The following CPNE5 variants were observed in gnomAD, a reference collection of about 807,000 sequenced individuals.
CPNE5 encodes copine-5.
A neutral mutation model predicts 81.1 loss-of-function variants in CPNE5; 42 were observed. The observed-to-expected ratio is 0.52, with a 90% CI of 0.40 to 0.67. CPNE5 has a LOEUF of 0.67. Among genes scored for constraint, CPNE5 ranks in the 30% least tolerant of loss-of-function variants. CPNE5 has a pLI of 0.00. For synonymous variants in CPNE5, 313 were observed against 321.5 expected, an observed-to-expected ratio of 0.97 and a Z score of 0.28; for missense variants, 612 against 815.5, an observed-to-expected ratio of 0.75 and a Z score of 3.04.
At chr6:36,823,923 C>G (rs571013931) in intron 1 of CPNE5, among the ~76,000 whole-genome samples, 1 of 152,276 alleles carries the variant, frequency 6.6e-6, no homozygotes, top group South Asian at 2.1e-4. Context: ...GGATGGGCAG[C>G]CTACATCCTG....
At chr6:36,781,456 AT>A (rs771622883) in intron 8 of CPNE5, among the ~76,000 whole-genome samples, 96 of 152,356 alleles carry the variant, frequency 6.3e-4, no homozygotes, top group Middle Eastern at 6.8e-3. Flanking sequence ...GTTAAATCAT[AT>A]GCCTAAAGTC....
intron 3 of CPNE5, among the ~76,000 whole-genome samples, chr6:36,802,875 C>A (rs926528399): frequency 2.0e-5 from 3 of 151,996 alleles, no homozygotes; most frequent in Non-Finnish European, 4.4e-5. Context: ...CATGGTGAAA[C>A]CCCATCTCTA....
chr6:36,793,575 C>T (rs900109445), intron 7 of CPNE5, among the ~76,000 whole-genome samples: 1 of 152,194 alleles, frequency 6.6e-6, no homozygotes, highest in African/African-American at 2.4e-5. Context: ...CTCTCCAGCC[C>T]CAACCTGCTC....
intron 8 of CPNE5, among the ~76,000 whole-genome samples, chr6:36,788,200 T>TA (rs1167535537): frequency 2.0e-5 from 3 of 150,482 alleles, no homozygotes; most frequent in African/African-American, 7.4e-5. Context: ...CCTGCTAATT[T>TA]AAAAAAATTT....
At chr6:36,774,756 C>G (rs1562122402) in intron 10 of CPNE5, among the ~76,000 whole-genome samples, 1 of 151,834 alleles carries the variant, frequency 6.6e-6, no homozygotes. Flanking sequence ...TGTGAAGAGG[C>G]AGACATTGCC....
intron 11 of CPNE5, among the ~76,000 whole-genome samples, 170 bp from the exon 12 acceptor site, chr6:36,763,162 C>G (rs902381168): frequency 6.6e-6 from 1 of 152,192 alleles, no homozygotes; most frequent in African/African-American, 2.4e-5. Flanking sequence ...CCAGTGTTGC[C>G]CACAGAGGAA....
chr6:36,762,157 G>A (rs560785257), intron 12 of CPNE5, among the ~76,000 whole-genome samples: 2 of 151,650 alleles, frequency 1.3e-5, no homozygotes, highest in East Asian at 1.9e-4. Context: ...GGAGGCTGAG[G>A]TGGGAGGATC....
intron 1 of CPNE5, chr6:36,827,849 A>T (rs1003585499): frequency 1.4e-6 from 1 of 719,416 alleles, no homozygotes; most frequent in Non-Finnish European, 1.7e-6. Context: ...ACAAAGAGAA[A>T]TTTTTTTTAG....
Position 36,746,117 on chromosome 6 carries a change from TCAGCCA to T in CPNE5, c.1200+273_1200+278del, listed in dbSNP as rs59008233. ...CTTTTCTGGGGCCCTGAGGGATGGG[TCAGCCA>T]CAGCTCGCCTCCACCTGCACCTGCG... On this transcript the variant is annotated intron_variant, in intron 16 of 20. Transcript: ENST00000244751. The surrounding 1 kb of genome is among the most constrained non-coding windows in gnomAD (Gnocchi z 4.5). 0.49 allele frequency: 475,573 copies of T among 978,558 alleles called. 117,002 individuals are homozygous for T. Among genetic ancestry groups the T allele is most frequent in the Non-Finnish European group, 0.5 (415,339 of 824,090 alleles). The allele number at this position is 978,558 out of a possible 1,614,324, so 60.6% of individuals were successfully genotyped here.
chr6:36,829,706 G>A (rs1293823035), intron 1 of CPNE5, among the ~76,000 whole-genome samples: 3 of 150,286 alleles, frequency 2.0e-5, no homozygotes, highest in Non-Finnish European at 3.0e-5. Context: ...CCAGCTACTC[G>A]GGAGGCTGAG....
chr6:36,796,332 C>G (rs1171479260), intron 6 of CPNE5, among the ~76,000 whole-genome samples: 1 of 152,230 alleles, frequency 6.6e-6, no homozygotes, highest in Non-Finnish European at 1.5e-5. Flanking sequence ...CAATACTCCC[C>G]CACCCCCAGA....
intron 3 of CPNE5, among the ~76,000 whole-genome samples, chr6:36,804,619 C>T (rs1294792454): frequency 6.6e-6 from 1 of 152,192 alleles, no homozygotes; most frequent in African/African-American, 2.4e-5. Context: ...TAAGGCCCAG[C>T]CCAGAAGGAG....
Position 36,742,203 on chromosome 6 carries a change from G to A in CPNE5, c.*65C>T. 7.6e-7 allele frequency: 1 copy of A among 1,323,612 alleles called. No individual in the cohort carries two copies. Among genetic ancestry groups the A allele is most frequent in the African/African-American group, 1.4e-5 (1 of 69,212 alleles). 82.0% of individuals were successfully genotyped at this position (1,323,612 alleles called of 1,614,324 possible). A position where few individuals can be genotyped will look rare whatever the true frequency, so the allele number is the denominator to read the frequency against. On this transcript the variant is annotated 3_prime_UTR_variant, in exon 21 of 21. Transcript: ENST00000244751. ...GGGCAGGCCAACTTCGGGGAGTCTG[G>A]GGCCCTGGCCTCCCATTCACCTGGC... is the stretch of plus-strand genomic sequence containing the variant.
Position 36,745,090 on chromosome 6 carries a change from C to T in CPNE5, c.1389G>A (p.Gly463=). ...QYSVLLIITD[G]VISDMAQTKE... is the part of the protein sequence containing the mutation. Reference sequence around the variant, plus strand: ...TGGTCTGCGCCATGTCCGAGATGACCCCATCAGTAATGATGAGCAGCACCG... The same window carrying T: ...TGGTCTGCGCCATGTCCGAGATGACTCCATCAGTAATGATGAGCAGCACCG... Residue 463 remains glycine (G), a synonymous_variant, in exon 18 of 21, where the codon GGG becomes GGA. Coordinates refer to ENST00000244751, the MANE Select transcript of CPNE5 (RefSeq NM_020939.2). 6.2e-7 allele frequency: 1 copy of T among 1,614,128 alleles called. No individual in the cohort carries two copies. The highest frequency in any genetic ancestry group is 8.5e-7 in the Non-Finnish European group (1 of 1,179,958).
intron 12 of CPNE5, among the ~76,000 whole-genome samples, chr6:36,758,208 T>G (rs978269093): frequency 1.3e-5 from 2 of 152,164 alleles, no homozygotes; most frequent in African/African-American, 4.8e-5. Flanking sequence ...CGGAAAGGTA[T>G]GAGGATTAAA....
At chr6:36,745,204 C>A in intron 17 of CPNE5, 54 bp from the exon 18 acceptor site, 1 of 1,499,904 alleles carries the variant, frequency 6.7e-7, no homozygotes, top group East Asian at 2.3e-5. Flanking sequence ...TGGGCATGTT[C>A]CCCCCTAAAC....
chr6:36,760,932 G>A (rs907947172), intron 12 of CPNE5, among the ~76,000 whole-genome samples: 1 of 152,246 alleles, frequency 6.6e-6, no homozygotes, highest in Non-Finnish European at 1.5e-5. Context: ...CCAGAGCTGT[G>A]CTCCTTTTTC....
intron 8 of CPNE5, among the ~76,000 whole-genome samples, chr6:36,781,886 A>C (rs895492642): frequency 5.3e-5 from 8 of 152,084 alleles, no homozygotes; most frequent in African/African-American, 1.9e-4. Context: ...TCAGAAAACC[A>C]CCAAGAGAGG....
At chr6:36,775,180 T>C in intron 9 of CPNE5, 115 bp from the exon 10 acceptor site, 5 of 756,608 alleles carry the variant, frequency 6.6e-6, no homozygotes, top group East Asian at 5.3e-5. Context: ...ACGGAAATGA[T>C]GGCTTCAAAA....
Sources: allele counts gnomAD v4.1 joint callset (sites outside exome capture counted in the v4.1 genomes callset), GRCh38; gene constraint gnomAD v4.1.1; non-coding constraint Gnocchi (gnomAD v3.1); transcripts MANE v1.5; gene names NCBI Gene and HGNC (gene_info 2026-07-23, HGNC 2026-07-21).